The following PRKCE variants were observed in gnomAD, a reference collection of about 807,000 sequenced individuals.
The protein encoded by PRKCE is protein kinase C epsilon.
A neutral mutation model predicts 85.4 loss-of-function variants in PRKCE; 16 were observed. The ratio of observed to expected loss-of-function variants is 0.19; its 90% CI spans 0.13 to 0.28. The LOEUF (loss-of-function observed/expected upper bound fraction) is 0.28, where lower values mean the gene tolerates loss of function less well. Ranked by LOEUF, PRKCE falls within the 10% of genes least tolerant of loss-of-function variation. The pLI is 1.00. For missense variants in PRKCE, 573 were observed against 975.2 expected (o/e 0.59, Z 5.49); for synonymous variants, 388 against 371.5 (o/e 1.04, Z -0.51).
chr2:45,852,525 A>G (rs923927131), intron 2 of PRKCE, among the ~76,000 whole-genome samples: 1 of 152,172 alleles, frequency 6.6e-6, no homozygotes, highest in Admixed American at 6.5e-5. Context: ...GATGAAAAAG[A>G]CATAGGTCCT....
intron 10 of PRKCE, among the ~76,000 whole-genome samples, chr2:46,021,916 G>A (rs1706701761): frequency 6.6e-6 from 1 of 152,132 alleles, no homozygotes; most frequent in Non-Finnish European, 1.5e-5. Context: ...GTCATCTGGG[G>A]CCTTTCATAG....
intron 2 of PRKCE, among the ~76,000 whole-genome samples, chr2:45,856,905 A>G (rs1206840792): frequency 1.3e-5 from 2 of 152,234 alleles, no homozygotes; most frequent in Non-Finnish European, 2.9e-5. Flanking sequence ...ATGGCTGAAT[A>G]ATATTCCATT....
intron 2 of PRKCE, among the ~76,000 whole-genome samples, chr2:45,853,366 C>T (rs1692429146): frequency 6.6e-6 from 1 of 152,178 alleles, no homozygotes. Context: ...CTAAGTAACC[C>T]TTTTAAAAGC....
intron 3 of PRKCE, among the ~76,000 whole-genome samples, chr2:45,976,864 T>A (rs939846069): frequency 1.3e-5 from 1 of 74,764 alleles, no homozygotes; most frequent in African/African-American, 5.3e-5. Flanking sequence ...TGACTGTGTG[T>A]GTGTGTGTGT....
At chr2:45,891,799 T>C (rs148403870) in intron 2 of PRKCE, among the ~76,000 whole-genome samples, 69 of 152,362 alleles carry the variant, frequency 4.5e-4, no homozygotes, top group African/African-American at 1.5e-3. Context: ...AAAAATGCCA[T>C]GTGCACCTGT....
intron 1 of PRKCE, among the ~76,000 whole-genome samples, chr2:45,655,018 G>A (rs1217524137): frequency 6.6e-6 from 1 of 152,234 alleles, no homozygotes; most frequent in Admixed American, 6.5e-5. Flanking sequence ...CTGGCCTGAA[G>A]TAAGGGGATG....
intron 2 of PRKCE, among the ~76,000 whole-genome samples, chr2:45,961,306 CT>C (rs1701360353): frequency 1.3e-5 from 2 of 152,208 alleles, no homozygotes; most frequent in African/African-American, 4.8e-5. Context: ...AATGTTTACC[CT>C]GACTTTCTCC....
rs1463762344 is a variant in PRKCE at position 46,085,717 on chromosome 2, A to G, written c.1438-491A>G. Among the ~76,000 whole-genome samples the G allele has an allele frequency of 3.6e-5, 4 of 109,816 alleles. 1 individual carries two copies. The highest frequency in any genetic ancestry group is 5.4e-5 in the Non-Finnish European group (3 of 55,544). The allele number at this position is 109,816 out of a possible 152,430, so 72.0% of individuals were successfully genotyped here. A position where few individuals can be genotyped will look rare whatever the true frequency, so the allele number is the denominator to read the frequency against. On this transcript the variant is annotated intron_variant, in intron 10 of 14. Transcript: ENST00000306156. ...CTCCCTATCTCAGGATCCTTCACTT[A>G]ATTACATCTGCAAAATCCGTTTTTT... is the stretch of plus-strand genomic sequence containing the variant.
intron 10 of PRKCE, among the ~76,000 whole-genome samples, chr2:46,074,429 CAAAAAAAAAAAAA>C (rs11287357): frequency 3.2e-5 from 3 of 93,886 alleles, no homozygotes; most frequent in Non-Finnish European, 6.3e-5. Flanking sequence ...CAACAACAAC[CAAAAAAAAAAAAA>C]AAAAAAGAAA....
intron 11 of PRKCE, among the ~76,000 whole-genome samples, chr2:46,116,127 T>C (rs151165996): frequency 2.0e-5 from 3 of 152,162 alleles, no homozygotes; most frequent in African/African-American, 7.2e-5. Context: ...ATTAGTCTTG[T>C]CTCCCCAACC....
intron 1 of PRKCE, among the ~76,000 whole-genome samples, chr2:45,716,336 G>C (rs371048493): frequency 1.3e-5 from 2 of 152,306 alleles, no homozygotes; most frequent in South Asian, 4.1e-4. Flanking sequence ...GGCCAACATG[G>C]TGAAACCCTG....
chr2:46,064,562 CAGA>C (rs1667448473), intron 10 of PRKCE, among the ~76,000 whole-genome samples: 1 of 152,118 alleles, frequency 6.6e-6, no homozygotes, highest in Admixed American at 6.5e-5. Flanking sequence ...CAGCTTGCAC[CAGA>C]AGCAGAGTCT....
chr2:46,181,129 G>A (rs180885081), intron 14 of PRKCE, among the ~76,000 whole-genome samples: 10 of 152,288 alleles, frequency 6.6e-5, no homozygotes, highest in Admixed American at 3.9e-4. Flanking sequence ...TGCTCTGTGC[G>A]GGAGGTAGCA....
At chr2:45,893,778 T>C (rs1322944747) in intron 2 of PRKCE, among the ~76,000 whole-genome samples, 1 of 151,888 alleles carries the variant, frequency 6.6e-6, no homozygotes, top group African/African-American at 2.4e-5. Context: ...AACTGCAGAG[T>C]TTTCTTAATG....
chr2:45,683,456 G>A (rs1365128061), intron 1 of PRKCE, among the ~76,000 whole-genome samples: 3 of 152,188 alleles, frequency 2.0e-5, no homozygotes, highest in Non-Finnish European at 2.9e-5. Context: ...GTGAGGAAAT[G>A]AGATAAGAAA....
chr2:46,097,302 A>G (rs574276747), intron 11 of PRKCE, among the ~76,000 whole-genome samples: 5 of 152,192 alleles, frequency 3.3e-5, no homozygotes, highest in African/African-American at 9.6e-5. Context: ...GTGGATCACA[A>G]GGTCAGGAGA....
chr2:45,955,602 T>C (rs1056023290), intron 2 of PRKCE, among the ~76,000 whole-genome samples: 4 of 152,202 alleles, frequency 2.6e-5, no homozygotes, highest in Non-Finnish European at 4.4e-5. Flanking sequence ...AAGGATCGCT[T>C]GAGCCCTGGA....
intron 1 of PRKCE, among the ~76,000 whole-genome samples, chr2:45,661,530 G>GTTTTTTTTTTTTTTTTTTTT (rs11406618): frequency 9.5e-6 from 1 of 104,814 alleles, no homozygotes; most frequent in Non-Finnish European, 1.8e-5. Flanking sequence ...TTTGTTTTTT[G>GTTTTTTTTTTTTTTTTTTTT]TTTTTTTTTT....
At chr2:46,012,912 G>C (rs1705810060) in intron 10 of PRKCE, among the ~76,000 whole-genome samples, 1 of 152,174 alleles carries the variant, frequency 6.6e-6, no homozygotes, top group Admixed American at 6.5e-5. Flanking sequence ...ATGTTGTCAT[G>C]GATGGCTGTA....
Sources: allele counts gnomAD v4.1 joint callset (sites outside exome capture counted in the v4.1 genomes callset), GRCh38; gene constraint gnomAD v4.1.1; transcripts MANE v1.5; gene names NCBI Gene and HGNC (gene_info 2026-07-23, HGNC 2026-07-21).